Variants in ABCA6 observed in about 807,000 individuals in gnomAD.
ABCA6 encodes ATP binding cassette subfamily A member 6.
In ABCA6, 164 loss-of-function variants were observed where a neutral mutation model predicts 191.2. The ratio of observed to expected loss-of-function variants is 0.86; its 90% CI spans 0.76 to 0.98. The LOEUF (loss-of-function observed/expected upper bound fraction) is 0.98, where lower values mean the gene tolerates loss of function less well. Ranked by LOEUF, ABCA6 falls within the 50% of genes least tolerant of loss-of-function variation. ABCA6 has a pLI of 0.00. For synonymous variants in ABCA6, 636 were observed against 647.7 expected, an observed-to-expected ratio of 0.98 and a Z score of 0.27; for missense variants, 1,958 against 1,894.1, an observed-to-expected ratio of 1.03 and a Z score of -0.63.
chr17:69,096,338 C>T lies in ABCA6; in HGVS notation c.3310G>A (p.Gly1104Ser). ...AAGAAGACAAGAGAAGCTGCATAAC[C>T]AGGAGTAACTATAACCTGAGCATAA... ...IVFALVIVTP[G>S]YAASLVFFIY... The change falls in exon 25 of 39, where the codon GGT (glycine) becomes AGT (serine). Residue 1104 changes from glycine to serine, a missense_variant. Physicochemically the swap from Gly to Ser is moderately conservative, Grantham distance 56. Coordinates refer to ENST00000284425, the MANE Select transcript of ABCA6 (RefSeq NM_080284.3). 2.0e-6 allele frequency: 3 copies of T among 1,478,278 alleles called. No individual in the cohort carries two copies. Among genetic ancestry groups the T allele is most frequent in the Non-Finnish European group, 2.7e-6 (3 of 1,102,220 alleles). The allele number at this position is 1,478,278 out of a possible 1,614,324, so 91.6% of individuals were successfully genotyped here.
At chr17:69,105,309 T>C in intron 20 of ABCA6, 153 bp downstream of exon 20, 1 of 731,188 alleles carries the variant, frequency 1.4e-6, no homozygotes. Flanking sequence ...AAAATCAGAG[T>C]AAATCTGCAC....
At chr17:69,123,605 C>A (rs188081362) in intron 9 of ABCA6, among the ~76,000 whole-genome samples, 198 bp from the exon 10 acceptor site, 32 of 151,942 alleles carry the variant, frequency 2.1e-4, no homozygotes, top group Admixed American at 1.7e-3. Context: ...TAACATATTG[C>A]AAAATTAAAC....
At chr17:69,083,104 C>A in intron 35 of ABCA6, 91 bp from the exon 36 acceptor site, 1 of 1,577,628 alleles carries the variant, frequency 6.3e-7, no homozygotes, top group South Asian at 1.2e-5. Context: ...GAAAAGGTGT[C>A]ACCAAGGAAG....
chr17:69,100,684 A>G (rs1179952071), intron 22 of ABCA6, 113 bp downstream of exon 22: 2 of 1,164,200 alleles, frequency 1.7e-6, no homozygotes, highest in Non-Finnish European at 2.3e-6. Context: ...TTAGGATAAA[A>G]TAATAATTTT....
Position 69,115,387 on chromosome 17 carries a change from AC to A in ABCA6, c.1594del (p.Val532PhefsTer26), listed in dbSNP as rs754496407. ...TTCTTTTTACTCACCTTCTGTTGGAACAGACAATCCATTAAGAATATTTAGC... is the reference window on the plus strand; with the variant it reads ...TTCTTTTTACTCACCTTCTGTTGGAAAGACAATCCATTAAGAATATTTAGC... ...SLLNILNGLS[V>X]PTEGSVTIYN... On this transcript the variant is annotated frameshift_variant, in exon 12 of 39. Coordinates refer to ENST00000284425, the MANE Select transcript of ABCA6 (RefSeq NM_080284.3). LOFTEE classifies it high-confidence loss of function. The A allele has an allele frequency of 1.9e-6, 3 of 1,607,798 alleles. No individual in the cohort carries two copies. In the African/African-American group the frequency reaches 4.0e-5, roughly 22 times the overall value.
chr17:69,137,787 T>C (rs2073973487), intron 2 of ABCA6, among the ~76,000 whole-genome samples: 2 of 152,178 alleles, frequency 1.3e-5, no homozygotes, highest in African/African-American at 2.4e-5. Flanking sequence ...ACAATCTCTA[T>C]ATGCATGGGC....
chr17:69,083,216 G>A lies in ABCA6; in HGVS notation c.4471C>T (p.Leu1491Phe), dbSNP rs878981507. 6.3e-7 allele frequency: 1 copy of A among 1,595,548 alleles called. No homozygotes were observed. The highest frequency in any genetic ancestry group is 1.8e-5 in the Admixed American group (1 of 55,080). Residue 1491 changes from leucine (L) to phenylalanine (F), a missense_variant, in exon 35 of 39, where the codon CTT becomes TTT. Transcript: ENST00000284425. ...DRVAIMVSGR[L>F]RCIGSIQHLK... Reference sequence around the variant, plus strand: ...AGGCTTCGGAGAGACACCCACCTAAGCCTTCCAGACACCATGATGGCCACA... The same window carrying A: ...AGGCTTCGGAGAGACACCCACCTAAACCTTCCAGACACCATGATGGCCACA...
intron 23 of ABCA6, among the ~76,000 whole-genome samples, chr17:69,097,219 C>G (rs773093203): frequency 6.6e-6 from 1 of 152,082 alleles, no homozygotes; most frequent in African/African-American, 2.4e-5. Flanking sequence ...GGTGAAAGCC[C>G]ATTTTGACTA....
At position 69,096,773 on chromosome 17, in the gene ABCA6, G is replaced by A. The variant is rs758389680; in HGVS notation, c.3149C>T (p.Ser1050Leu). 2 of 1,539,948 alleles carry A rather than the reference G, an allele frequency of 1.3e-6. No homozygotes were observed. The highest frequency in any genetic ancestry group is 8.7e-7 in the Non-Finnish European group (1 of 1,153,472). Residue 1050 changes from serine (S) to leucine (L), a missense_variant, in exon 24 of 39, where the codon TCA becomes TTA. Physicochemically the swap from Ser to Leu is moderately radical, Grantham distance 145. Coordinates refer to ENST00000284425, the MANE Select transcript of ABCA6 (RefSeq NM_080284.3). The part of the protein sequence containing the change: ...KKNAKSQLWI[S>L]GLYTSAYWCG... Reference sequence around the variant, plus strand: ...CCAGTAAGCAGAAGTGTAGAGGCCTGAAATCCATAGCTGGGACTTAGCATT... The same window carrying A: ...CCAGTAAGCAGAAGTGTAGAGGCCTAAAATCCATAGCTGGGACTTAGCATT...
chr17:69,109,853 GGC>G (rs1320389825), intron 17 of ABCA6: 4 of 152,014 alleles, frequency 2.6e-5, no homozygotes, highest in Non-Finnish European at 2.9e-5. Context: ...TAATGATGCT[GGC>G]AATTTGGATA....
chr17:69,107,799 A>C lies in ABCA6; in HGVS notation c.2286T>G (p.Asp762Glu), dbSNP rs1437609900. ...CTCCCTGGTCAGAACACTTATCCAG[A>C]TCACTGAAAAGATCTAAGGCAAAAA... Reference protein sequence around the residue: ...RTNTFPDLFSDLDKCSDQGVT... With the variant: ...RTNTFPDLFSELDKCSDQGVT... Residue 762 changes from aspartate to glutamate, a missense_variant, in exon 18 of 39, where the codon GAT becomes GAG. Asp to Glu is a conservative substitution (Grantham distance 45). Coordinates refer to ENST00000284425, the MANE Select transcript of ABCA6 (RefSeq NM_080284.3). 2 of 1,607,076 alleles carry C rather than the reference A, an allele frequency of 1.2e-6. No individual in the cohort carries two copies. Among genetic ancestry groups the C allele is most frequent in the Non-Finnish European group, 1.7e-6 (2 of 1,176,594 alleles).
At chr17:69,137,749 A>G (rs557139388) in intron 2 of ABCA6, among the ~76,000 whole-genome samples, 1 of 152,294 alleles carries the variant, frequency 6.6e-6, no homozygotes, top group South Asian at 2.1e-4. Flanking sequence ...AAGCCGTCAT[A>G]GAAACTAATG....
chr17:69,091,225 T>C lies in ABCA6; in HGVS notation c.3446A>G (p.His1149Arg). ...TIMFSITLIN[H>R]FDLSILITTM... is the part of the protein sequence containing the mutation. ...GGTAATCAATATACTTAGGTCAAAA[T>C]GATTGATTAAAGTGATGGAAAACAT... is the stretch of plus-strand genomic sequence containing the variant. Residue 1149 changes from histidine to arginine, a missense_variant, in exon 26 of 39, where the codon CAT (histidine) becomes CGT (arginine). His to Arg is a conservative substitution (Grantham distance 29). Transcript: ENST00000284425. 1.9e-6 allele frequency: 3 copies of C among 1,611,892 alleles called. No homozygotes were observed. The highest frequency in any genetic ancestry group is 2.5e-6 in the Non-Finnish European group (3 of 1,179,392).
chr17:69,112,458 T>C (rs1169841269), intron 15 of ABCA6, 185 bp from the exon 16 acceptor site: 4 of 508,468 alleles, frequency 7.9e-6, no homozygotes, highest in Non-Finnish European at 1.4e-5. Flanking sequence ...AATGAACTCA[T>C]GATATTATTC....
intron 8 of ABCA6, 91 bp from the exon 9 acceptor site, chr17:69,125,126 T>C: frequency 1.6e-6 from 1 of 614,732 alleles, no homozygotes; most frequent in Non-Finnish European, 2.4e-6. Flanking sequence ...TAACTAGCTT[T>C]TTCAAGAGGC....
At position 69,086,667 on chromosome 17, in the gene ABCA6, CT is replaced by C; in HGVS notation, c.3887del (p.Lys1296ArgfsTer6). On this transcript the variant is annotated frameshift_variant, in exon 30 of 39. Coordinates refer to ENST00000284425, the MANE Select transcript of ABCA6 (RefSeq NM_080284.3). LOFTEE classifies it high-confidence loss of function. ...YAGQKKSCFS[K>X]RKKKIAARNI... Reference sequence around the variant, plus strand: ...TTCTTGCTGCTATTTTCTTCTTCCTCTTTGAAAAGCAACTTTTCTTCTGGCC... The same window carrying C: ...TTCTTGCTGCTATTTTCTTCTTCCTCTTGAAAAGCAACTTTTCTTCTGGCC... 1 of 1,613,016 alleles carries C rather than the reference CT, an allele frequency of 6.2e-7. No homozygotes were observed. The highest frequency in any genetic ancestry group is 8.5e-7 in the Non-Finnish European group (1 of 1,179,450).
rs1175916073 is a variant in ABCA6, at chr17:69,078,933, G to A, written c.*40C>T. The A allele has an allele frequency of 7.8e-7, 1 of 1,285,792 alleles. No homozygotes were observed. The highest frequency in any genetic ancestry group is 1.1e-6 in the Non-Finnish European group (1 of 902,678). The allele number at this position is 1,285,792 out of a possible 1,614,324, so 79.6% of individuals were successfully genotyped here. A position where few individuals can be genotyped will look rare whatever the true frequency, so the allele number is the denominator to read the frequency against. ...CTATTAATTATTACATAAAACATGA[G>A]TTTATAGGAGATCAACAAAAAATTA... On this transcript the variant is annotated 3_prime_UTR_variant, in exon 39 of 39. Transcript: ENST00000284425.
Position 69,137,596 on chromosome 17 carries a change from G to A in ABCA6, c.97-96C>T. On this transcript the variant is annotated intron_variant, in intron 2 of 38. Transcript: ENST00000284425. ...ATACTGTTGAAAACAAATTCCAATT[G>A]TGCTATACAGTTATGTTCTCTCTGC... 4.4e-6 allele frequency: 5 copies of A among 1,135,172 alleles called. 1 individual carries two copies. The South Asian group carries it at 7.9e-5, about 18-fold the overall frequency. 70.3% of individuals were successfully genotyped at this position (1,135,172 alleles called of 1,614,324 possible).
At chr17:69,115,324 A>G in intron 12 of ABCA6, 52 bp downstream of exon 12, 67 of 1,215,816 alleles carry the variant, frequency 5.5e-5, no homozygotes, top group Middle Eastern at 1.9e-4. Context: ...CATATGCTTG[A>G]CCTCATTCTA....
Sources: allele counts gnomAD v4.1 joint callset (sites outside exome capture counted in the v4.1 genomes callset), GRCh38; gene constraint gnomAD v4.1.1; transcripts MANE v1.5; gene names NCBI Gene and HGNC (gene_info 2026-07-23, HGNC 2026-07-21).